MLYCD: variants seen among roughly 807,000 people sequenced by gnomAD.
MLYCD encodes malonyl-CoA decarboxylase, also known as malonyl-CoA decarboxylase, mitochondrial.
MLYCD carries 27 observed loss-of-function variants against 35.8 expected under a neutral mutation model. The ratio of observed to expected loss-of-function variants is 0.75; its 90% CI spans 0.56 to 1.04. The LOEUF is 1.04. Ranked by LOEUF, MLYCD falls within the 50% of genes least tolerant of loss-of-function variation. MLYCD has a pLI of 0.00. For synonymous variants in MLYCD, 403 were observed against 302.4 expected (o/e 1.33, Z -3.45); for missense variants, 917 against 665.1 (o/e 1.38, Z -4.17).
intron 4 of MLYCD, 123 bp downstream of exon 4, chr16:83,912,490 G>A: frequency 7.2e-7 from 1 of 1,384,706 alleles, no homozygotes; most frequent in Non-Finnish European, 1.0e-6. Flanking sequence ...GGAGGGGCAG[G>A]GGGTAGAAAA....
chr16:83,911,479 AT>A (rs1228811974), intron 3 of MLYCD, among the ~76,000 whole-genome samples: 1 of 152,220 alleles, frequency 6.6e-6, no homozygotes, highest in Non-Finnish European at 1.5e-5. Flanking sequence ...TTCCACTGTT[AT>A]CCAGTGAGCT....
chr16:83,904,369 G>T (rs1906904418), intron 1 of MLYCD, among the ~76,000 whole-genome samples: 1 of 152,242 alleles, frequency 6.6e-6, no homozygotes, highest in Middle Eastern at 3.4e-3. Flanking sequence ...GCAGTGTTTT[G>T]GGGGCAGGGC....
intron 1 of MLYCD, among the ~76,000 whole-genome samples, chr16:83,905,614 C>A (rs1028374345): frequency 2.0e-5 from 3 of 152,210 alleles, no homozygotes; most frequent in Admixed American, 6.5e-5. Context: ...ACACCGCCTT[C>A]CAGTCTGCAG....
At chr16:83,900,259 T>G (rs1339944550) in intron 1 of MLYCD, among the ~76,000 whole-genome samples, 1 of 152,224 alleles carries the variant, frequency 6.6e-6, no homozygotes. Context: ...CAGTACTTAA[T>G]GTGATGATTC....
rs1036124196 is a variant in MLYCD, at chr16:83,917,641, A to T, written c.*2152A>T. On this transcript the variant is annotated 3_prime_UTR_variant, in exon 5 of 5. Coordinates refer to ENST00000262430, the MANE Select transcript of MLYCD (RefSeq NM_012213.3). ...AGTGGCTTGCAGGCCAATCAATGCA[A>T]TCCTGGCAACCTGCCCGCCCTTCTT... 1 of 152,146 alleles carries T rather than the reference A, an allele frequency of 6.6e-6. No homozygotes were observed. The highest frequency in any genetic ancestry group is 2.4e-5 in the African/African-American group (1 of 41,428). The allele number at this position is 152,146 out of a possible 1,614,324, so 9.4% of individuals were successfully genotyped here. A position where few individuals can be genotyped will look rare whatever the true frequency, so the allele number is the denominator to read the frequency against.
chr16:83,908,656 A>G (rs2151057322), intron 3 of MLYCD, among the ~76,000 whole-genome samples: 1 of 152,320 alleles, frequency 6.6e-6, no homozygotes, highest in East Asian at 1.9e-4. Context: ...GGGAGTTTTG[A>G]AAGATACTTG....
rs1248006652 is a variant in MLYCD at position 83,917,629 on chromosome 16, C to G, written c.*2140C>G. ...TGATTCTGAAAGAGTGGCTTGCAGGCCAATCAATGCAATCCTGGCAACCTG... is the reference window on the plus strand; with the variant it reads ...TGATTCTGAAAGAGTGGCTTGCAGGGCAATCAATGCAATCCTGGCAACCTG... On this transcript the variant is annotated 3_prime_UTR_variant, in exon 5 of 5. Coordinates refer to ENST00000262430, the MANE Select transcript of MLYCD (RefSeq NM_012213.3). The G allele has an allele frequency of 2.0e-5, 3 of 152,354 alleles. No individual in the cohort carries two copies. The highest frequency in any genetic ancestry group is 1.3e-4 in the Admixed American group (2 of 15,304). The allele number at this position is 152,354 out of a possible 1,614,324, so 9.4% of individuals were successfully genotyped here.
In MLYCD at chr16:83,926,786, GA is replaced by G. The variant is rs1218572983; in HGVS notation, c.*11298del. ...ATGCTGAAAATGAGTCTCTGGGACA[GA>G]TGGATCCCAGTCTGGGTCCTCGCAA... On this transcript the variant is annotated 3_prime_UTR_variant, in exon 5 of 5. Coordinates refer to ENST00000262430, the MANE Select transcript of MLYCD (RefSeq NM_012213.3). 6.6e-6 allele frequency: 1 copy of G among 152,252 alleles called. No homozygotes were observed. Among genetic ancestry groups the G allele is most frequent in the Non-Finnish European group, 1.5e-5 (1 of 68,072 alleles). 9.4% of individuals were successfully genotyped at this position (152,252 alleles called of 1,614,324 possible). A position where few individuals can be genotyped will look rare whatever the true frequency, so the allele number is the denominator to read the frequency against.
rs28529057 is a variant in MLYCD at position 83,917,154 on chromosome 16, C to T, written c.*1665C>T. The T allele has an allele frequency of 0.12, 8,056 of 66,288 alleles. 1,474 individuals carry two copies. Among genetic ancestry groups the T allele is most frequent in the African/African-American group, 0.25 (3,488 of 13,738 alleles). 4.1% of individuals were successfully genotyped at this position (66,288 alleles called of 1,614,324 possible). On this transcript the variant is annotated 3_prime_UTR_variant, in exon 5 of 5. Coordinates refer to ENST00000262430, the MANE Select transcript of MLYCD (RefSeq NM_012213.3). ...AGCGTTCTATGTGGATCAGTGCACG[C>T]CTGTGTGCGTGTGCACGAGCGTCTC...
At position 83,924,995 on chromosome 16, in the gene MLYCD, C is replaced by G. The variant is rs1450136411; in HGVS notation, c.*9506C>G. On this transcript the variant is annotated 3_prime_UTR_variant, in exon 5 of 5. Coordinates refer to ENST00000262430, the MANE Select transcript of MLYCD (RefSeq NM_012213.3). ...CTTCTCTAAGGATCTCACCCCCATC[C>G]GTGTCTCTGCTGTCTCCTAACTACC... is the stretch of plus-strand genomic sequence containing the variant. 1 of 152,312 alleles carries G rather than the reference C, an allele frequency of 6.6e-6. No homozygotes were observed. The highest frequency in any genetic ancestry group is 2.4e-5 in the African/African-American group (1 of 41,472). 9.4% of individuals were successfully genotyped at this position (152,312 alleles called of 1,614,324 possible). A position where few individuals can be genotyped will look rare whatever the true frequency, so the allele number is the denominator to read the frequency against.
chr16:83,912,588 G>T lies in MLYCD; in HGVS notation c.948+221G>T, dbSNP rs577415596. The T allele has an allele frequency of 1.5e-5, 9 of 604,436 alleles. No homozygotes were observed. In the East Asian group the frequency reaches 2.1e-4, roughly 14 times the overall value. 37.4% of individuals were successfully genotyped at this position (604,436 alleles called of 1,614,324 possible). A position where few individuals can be genotyped will look rare whatever the true frequency, so the allele number is the denominator to read the frequency against. On this transcript the variant is annotated intron_variant, in intron 4 of 4. Coordinates refer to ENST00000262430, the MANE Select transcript of MLYCD (RefSeq NM_012213.3). ...GCTGAGAGAGGCCTCCAACCCAGCTGCCCAGTTGACTGCAAGACGCAGTTG... is the reference window on the plus strand; with the variant it reads ...GCTGAGAGAGGCCTCCAACCCAGCTTCCCAGTTGACTGCAAGACGCAGTTG...
At chr16:83,902,036 T>A (rs1358496617) in intron 1 of MLYCD, among the ~76,000 whole-genome samples, 3 of 151,876 alleles carry the variant, frequency 2.0e-5, no homozygotes, top group African/African-American at 7.3e-5. Context: ...ATTCAGTGCA[T>A]GTAACTGTTA....
chr16:83,924,391 G>A lies in MLYCD; in HGVS notation c.*8902G>A. The A allele has an allele frequency of 6.6e-6, 1 of 152,348 alleles. No individual in the cohort carries two copies. Among genetic ancestry groups the A allele is most frequent in the South Asian group, 2.1e-4 (1 of 4,818 alleles). The allele number at this position is 152,348 out of a possible 1,614,324, so 9.4% of individuals were successfully genotyped here. ...GGCCCAGGCAGTTCCTAGAGCGGGG[G>A]AGATGGAGTGGGCCGTATCCCACCC... On this transcript the variant is annotated 3_prime_UTR_variant, in exon 5 of 5. Coordinates refer to ENST00000262430, the MANE Select transcript of MLYCD (RefSeq NM_012213.3).
Position 83,907,084 on chromosome 16 carries a change from T to C in MLYCD, c.626T>C (p.Leu209Pro). 6.2e-7 allele frequency: 1 copy of C among 1,613,758 alleles called. No individual in the cohort carries two copies. The highest frequency in any genetic ancestry group is 8.5e-7 in the Non-Finnish European group (1 of 1,179,610). ...RVTWHSPCEVLQKISEAEAVH... is the reference protein window; with the variant it reads ...RVTWHSPCEVPQKISEAEAVH... ...ACCTGGCATTCACCGTGTGAAGTGC[T>C]TCAGAAAATCAGTGAGTAAGTATTA... Residue 209 changes from leucine (L) to proline (P), a missense_variant, in exon 2 of 5, where the codon CTT (leucine) becomes CCT (proline). By Grantham distance (98) the Leu-to-Pro change is moderately conservative. Coordinates refer to ENST00000262430, the MANE Select transcript of MLYCD (RefSeq NM_012213.3).
chr16:83,910,732 T>C (rs1165313105), intron 3 of MLYCD, among the ~76,000 whole-genome samples: 2 of 150,658 alleles, frequency 1.3e-5, no homozygotes, highest in Non-Finnish European at 2.9e-5. Context: ...CTGGGAGTGA[T>C]GTGAAGTGAG....
Position 83,902,154 on chromosome 16 carries a change from C to CATATAT in MLYCD, c.528+2482_528+2483insATATAT, listed in dbSNP as rs1555537762. 7.3e-4 allele frequency among the ~76,000 whole-genome samples: 62 copies of CATATAT among 84,442 alleles called. No homozygotes were observed. In the East Asian group the frequency reaches 0.011, roughly 15 times the overall value. The allele number at this position is 84,442 out of a possible 152,430, so 55.4% of individuals were successfully genotyped here. Reference sequence around the variant, plus strand: ...ATATGTGTGTGTGTGTGTGTGCGTGCGTATATATATATATATATATATATA... The same window carrying CATATAT: ...ATATGTGTGTGTGTGTGTGTGCGTGCATATATGTATATATATATATATATATATATA... On this transcript the variant is annotated intron_variant, in intron 1 of 4. Transcript: ENST00000262430.
intron 1 of MLYCD, among the ~76,000 whole-genome samples, chr16:83,902,448 T>C (rs1387747953): frequency 1.3e-5 from 2 of 151,566 alleles, no homozygotes; most frequent in Non-Finnish European, 2.9e-5. Context: ...TCTGATATTG[T>C]AACCTCTCAC....
In MLYCD at chr16:83,905,755, G is replaced by A. The variant is rs112514941; in HGVS notation, c.529-1232G>A. Among the ~76,000 whole-genome samples, 561 of 152,314 alleles carry A rather than the reference G, an allele frequency of 3.7e-3. 2 individuals are homozygous for A. The highest frequency in any genetic ancestry group is 0.012 in the African/African-American group (518 of 41,574). ...CTCTGTCACATGGCTGCCCCCAGCC[G>A]CAGTGCAATCTTTGTTCTGGACAGC... On this transcript the variant is annotated intron_variant, in intron 1 of 4. Coordinates refer to ENST00000262430, the MANE Select transcript of MLYCD (RefSeq NM_012213.3).
rs1907629611 is a variant in MLYCD, at chr16:83,920,900, A to ATGGATG, written c.*5411_*5412insTGGATG. ...TTAGATGGATGGATGGAAGGAAGGA[A>ATGGATG]GATGGATGGATGGATGGATGGATGG... On this transcript the variant is annotated 3_prime_UTR_variant, in exon 5 of 5. Transcript: ENST00000262430. 1 of 146,294 alleles carries ATGGATG rather than the reference A, an allele frequency of 6.8e-6. No individual in the cohort carries two copies. Among genetic ancestry groups the ATGGATG allele is most frequent in the Non-Finnish European group, 1.5e-5 (1 of 66,174 alleles). 9.1% of individuals were successfully genotyped at this position (146,294 alleles called of 1,614,324 possible).
Sources: allele counts gnomAD v4.1 joint callset (sites outside exome capture counted in the v4.1 genomes callset), GRCh38; gene constraint gnomAD v4.1.1; transcripts MANE v1.5; gene names NCBI Gene and HGNC (gene_info 2026-07-23, HGNC 2026-07-21).